Variants in GTF2I observed in about 807,000 individuals in gnomAD.
The protein encoded by GTF2I is general transcription factor IIi.
In GTF2I, 12 loss-of-function variants were observed where a neutral mutation model predicts 67.6. The ratio of observed to expected loss-of-function variants is 0.18; its 90% CI spans 0.11 to 0.29. The LOEUF is 0.29. Among genes scored for constraint, GTF2I ranks in the 10% least tolerant of loss-of-function variants. The probability of loss-of-function intolerance (pLI) is 1.00; values close to 1 mark genes in which losing one functional copy is unlikely to be tolerated. For missense variants in GTF2I, 271 were observed against 580.1 expected, an observed-to-expected ratio of 0.47 and a Z score of 5.47; for synonymous variants, 149 against 197.0, an observed-to-expected ratio of 0.76 and a Z score of 2.04.
At chr7:74,714,980 C>G in intron 10 of GTF2I, 64 bp downstream of exon 10, 1 of 960,692 alleles carries the variant, frequency 1.0e-6, no homozygotes, top group Non-Finnish European at 1.6e-6. Flanking sequence ...TTATATTGCA[C>G]AGACTGTGTT....
intron 1 of GTF2I, among the ~76,000 whole-genome samples, chr7:74,665,753 C>G (rs1554388295): frequency 1.3e-5 from 2 of 152,222 alleles, no homozygotes; most frequent in Non-Finnish European, 2.9e-5. Flanking sequence ...ACGTTAATCT[C>G]CAAGAACTCT....
At chr7:74,703,660 G>A (rs1248263063) in intron 6 of GTF2I, among the ~76,000 whole-genome samples, 3 of 152,220 alleles carry the variant, frequency 2.0e-5, no homozygotes, top group South Asian at 2.1e-4. Flanking sequence ...GATTATAGGC[G>A]TGAGCCACTG....
intron 14 of GTF2I, among the ~76,000 whole-genome samples, chr7:74,731,928 T>C (rs1340876075): frequency 6.6e-6 from 1 of 151,798 alleles, no homozygotes; most frequent in Non-Finnish European, 1.5e-5. Flanking sequence ...GGTAAGATCA[T>C]AGGCTCTGGG....
Position 74,675,782 on chromosome 7 carries a change from G to C in GTF2I, c.-5-13342G>C, listed in dbSNP as rs587611692. Among the ~76,000 whole-genome samples the C allele has an allele frequency of 5.0e-4, 76 of 152,188 alleles. 1 individual carries two copies. The highest frequency in any genetic ancestry group is 6.8e-3 in the Middle Eastern group (2 of 294). ...TCCCAGCACTTGGGAGGCCGAGGTG[G>C]GCAGATCACTAGAGGTCAGGAGTTG... On this transcript the variant is annotated intron_variant, in intron 1 of 34. Transcript: ENST00000573035.
intron 1 of GTF2I, among the ~76,000 whole-genome samples, chr7:74,674,963 C>T (rs1210837970): frequency 6.6e-6 from 1 of 152,100 alleles, no homozygotes; most frequent in Non-Finnish European, 1.5e-5. Flanking sequence ...AGCGATTCTC[C>T]TGCCTCAGTC....
At chr7:74,708,302 TCAAAA>T (rs1284653792) in intron 8 of GTF2I, among the ~76,000 whole-genome samples, 2 of 152,126 alleles carry the variant, frequency 1.3e-5, no homozygotes, top group Admixed American at 6.5e-5. Flanking sequence ...AAACTCCATC[TCAAAA>T]CAAAACAAAC....
chr7:74,661,994 A>G (rs1804539098), intron 1 of GTF2I, among the ~76,000 whole-genome samples: 1 of 152,068 alleles, frequency 6.6e-6, no homozygotes, highest in Non-Finnish European at 1.5e-5. Flanking sequence ...TTTGAGTGAT[A>G]GGACCACAGC....
At chr7:74,676,691 C>T (rs1418691317) in intron 1 of GTF2I, among the ~76,000 whole-genome samples, 1 of 152,052 alleles carries the variant, frequency 6.6e-6, no homozygotes, top group Non-Finnish European at 1.5e-5. Context: ...AATAAATTTC[C>T]TTCTGAAAAA....
intron 11 of GTF2I, among the ~76,000 whole-genome samples, chr7:74,717,526 T>G (rs1427866922): frequency 6.6e-6 from 1 of 152,174 alleles, no homozygotes; most frequent in African/African-American, 2.4e-5. Flanking sequence ...ACTTATCATG[T>G]AGGGTGGCTT....
chr7:74,684,329 A>G (rs749047336), intron 1 of GTF2I, among the ~76,000 whole-genome samples: 157 of 152,366 alleles, frequency 1.0e-3, no homozygotes, highest in Non-Finnish European at 2.0e-3. Flanking sequence ...GCAACTGAGT[A>G]CAGCCCCCAG....
chr7:74,680,021 A>T (rs1204562734), intron 1 of GTF2I, among the ~76,000 whole-genome samples: 26 of 142,410 alleles, frequency 1.8e-4, no homozygotes, highest in Non-Finnish European at 3.2e-4. Flanking sequence ...AGAGGTTGCA[A>T]TGAGCTGAGA....
intron 12 of GTF2I, among the ~76,000 whole-genome samples, chr7:74,719,466 A>G (rs1273890907): frequency 1.3e-5 from 2 of 152,208 alleles, no homozygotes; most frequent in Non-Finnish European, 2.9e-5. Flanking sequence ...AATACTCTCT[A>G]TAGCTAAGAT....
chr7:74,663,090 C>A (rs1156305452), intron 1 of GTF2I, among the ~76,000 whole-genome samples: 2 of 152,168 alleles, frequency 1.3e-5, no homozygotes, highest in African/African-American at 4.8e-5. Flanking sequence ...TTACTGGTTA[C>A]CAGCTATTTG....
At position 74,686,509 on chromosome 7, in the gene GTF2I, C is replaced by T. The variant is rs1264318801; in HGVS notation, c.-5-2615C>T. ...ATGAGAACACATCTCTGTTTTCTTT[C>T]GCTGGGGAATTAAAGGAAAAGTGAG... On this transcript the variant is annotated intron_variant, in intron 1 of 34. Transcript: ENST00000573035. 2.6e-5 allele frequency among the ~76,000 whole-genome samples: 4 copies of T among 152,062 alleles called. No homozygotes were observed. The East Asian group carries it at 5.8e-4, about 22-fold the overall frequency.
chr7:74,684,351 G>C (rs1243134126), intron 1 of GTF2I, among the ~76,000 whole-genome samples: 1 of 152,226 alleles, frequency 6.6e-6, no homozygotes, highest in Non-Finnish European at 1.5e-5. Flanking sequence ...GGCACGCAGC[G>C]AGATGGCTGT....
chr7:74,680,095 A>ATATATATATATAT (rs1330438660), intron 1 of GTF2I, among the ~76,000 whole-genome samples: 1 of 98,488 alleles, frequency 1.0e-5, no homozygotes, highest in Non-Finnish European at 2.0e-5. Flanking sequence ...AAAAAAAAAA[A>ATATATATATATAT]AAAAATATAT....
chr7:74,685,175 G>T (rs1787598611), intron 1 of GTF2I, among the ~76,000 whole-genome samples: 1 of 152,202 alleles, frequency 6.6e-6, no homozygotes, highest in Non-Finnish European at 1.5e-5. Flanking sequence ...ACCAATCAGA[G>T]ACTAAAGTGA....
intron 3 of GTF2I, among the ~76,000 whole-genome samples, chr7:74,693,084 T>G (rs895803065): frequency 9.2e-5 from 14 of 152,082 alleles, no homozygotes; most frequent in South Asian, 2.1e-4. Context: ...TTTTTTTTTT[T>G]TGTGCCTTGC....
At chr7:74,667,832 G>T (rs1005780820) in intron 1 of GTF2I, among the ~76,000 whole-genome samples, 61 of 150,002 alleles carry the variant, frequency 4.1e-4, no homozygotes, top group Non-Finnish European at 8.0e-4. Flanking sequence ...TTTACCAAAA[G>T]AAACTTTTTT....
Sources: allele counts gnomAD v4.1 joint callset (sites outside exome capture counted in the v4.1 genomes callset), GRCh38; gene constraint gnomAD v4.1.1; transcripts MANE v1.5; gene names NCBI Gene and HGNC (gene_info 2026-07-23, HGNC 2026-07-21).